ST8SIA6: variants seen among roughly 807,000 people sequenced by gnomAD.
ST8SIA6 encodes the protein alpha-2,8-sialyltransferase 8F.
A neutral mutation model predicts 33.6 loss-of-function variants in ST8SIA6; 39 were observed. The observed-to-expected ratio is 1.16, with a 90% confidence interval of 0.90 to 1.52. The LOEUF (loss-of-function observed/expected upper bound fraction) is 1.52. Among genes scored for constraint, ST8SIA6 ranks in the 40% most tolerant of loss-of-function variants. ST8SIA6 has a pLI of 0.00. For missense variants in ST8SIA6, 441 were observed against 443.8 expected, an observed-to-expected ratio of 0.99 and a Z score of 0.06; for synonymous variants, 172 against 167.2, an observed-to-expected ratio of 1.03 and a Z score of -0.22.
At chr10:17,351,917 G>A (rs1849042224) in intron 4 of ST8SIA6, among the ~76,000 whole-genome samples, 1 of 152,034 alleles carries the variant, frequency 6.6e-6, no homozygotes, top group African/African-American at 2.4e-5. Flanking sequence ...TGGTCAAAGG[G>A]TACAAAGTTT....
At chr10:17,380,781 TTGTG>T (rs1481447333) in intron 3 of ST8SIA6, among the ~76,000 whole-genome samples, 1 of 140,232 alleles carries the variant, frequency 7.1e-6, no homozygotes, top group East Asian at 2.8e-4. Context: ...GTGTTCATGT[TTGTG>T]TGTATGTGTA....
chr10:17,351,369 T>C (rs985394485), intron 4 of ST8SIA6, among the ~76,000 whole-genome samples: 5 of 150,970 alleles, frequency 3.3e-5, no homozygotes, highest in African/African-American at 1.2e-4. Flanking sequence ...ATTTGTTAAA[T>C]GGGGTTAAAA....
chr10:17,347,953 C>CAA (rs55996465), intron 4 of ST8SIA6, among the ~76,000 whole-genome samples: 8,105 of 67,886 alleles, frequency 0.12, 569 homozygotes, highest in East Asian at 0.45. Context: ...GACTCTGTCT[C>CAA]AAAAAAAAAA....
chr10:17,395,165 C>T (rs1258657818), intron 2 of ST8SIA6, among the ~76,000 whole-genome samples: 3 of 152,178 alleles, frequency 2.0e-5, no homozygotes, highest in African/African-American at 7.2e-5. Flanking sequence ...TTCTCATTCT[C>T]TCTCTTGTCT....
In ST8SIA6 at chr10:17,331,054, A is replaced by G. The variant is rs376994358; in HGVS notation, c.522+354T>C. Among the ~76,000 whole-genome samples the G allele has an allele frequency of 2.6e-5, 4 of 152,222 alleles. No homozygotes were observed. In the East Asian group the frequency reaches 5.8e-4, roughly 22 times the overall value. On this transcript the variant is annotated intron_variant, in intron 5 of 7. Transcript: ENST00000377602. ...CGCACCGTTCCTTGGGAAGGAATTG[A>G]TTTAGTCACCATAACTGACAATTGG...
At chr10:17,399,636 G>T (rs1400209043) in intron 2 of ST8SIA6, among the ~76,000 whole-genome samples, 1 of 152,250 alleles carries the variant, frequency 6.6e-6, no homozygotes, top group East Asian at 1.9e-4. Context: ...TGTAAAATCA[G>T]CCAGGTGTGG....
At chr10:17,443,058 C>G (rs1355226834) in intron 2 of ST8SIA6, among the ~76,000 whole-genome samples, 1 of 152,096 alleles carries the variant, frequency 6.6e-6, no homozygotes, top group African/African-American at 2.4e-5. Flanking sequence ...TTGGTATACC[C>G]AAAGTGAACA....
At chr10:17,442,291 T>C (rs1330235276) in intron 2 of ST8SIA6, among the ~76,000 whole-genome samples, 1 of 152,190 alleles carries the variant, frequency 6.6e-6, no homozygotes, top group East Asian at 1.9e-4. Flanking sequence ...TTGTTACAGC[T>C]TTTTCCAAGA....
At chr10:17,415,302 T>C (rs1588903749) in intron 2 of ST8SIA6, among the ~76,000 whole-genome samples, 1 of 152,144 alleles carries the variant, frequency 6.6e-6, no homozygotes, top group Non-Finnish European at 1.5e-5. Context: ...AGAAGGACTT[T>C]CCCCAAAGGT....
chr10:17,403,918 AC>A (rs1851144436), intron 2 of ST8SIA6, among the ~76,000 whole-genome samples: 1 of 151,882 alleles, frequency 6.6e-6, no homozygotes, highest in African/African-American at 2.4e-5. Flanking sequence ...AAAAAAAATT[AC>A]CCAGGTGTGG....
At chr10:17,333,717 A>ATATATTT (rs1251981910) in intron 4 of ST8SIA6, among the ~76,000 whole-genome samples, 6 of 33,760 alleles carry the variant, frequency 1.8e-4, no homozygotes, top group South Asian at 1.9e-3. Context: ...ATATATATAT[A>ATATATTT]TTTTTTTTTT....
chr10:17,435,212 T>C (rs1852214973), intron 2 of ST8SIA6, among the ~76,000 whole-genome samples: 1 of 152,220 alleles, frequency 6.6e-6, no homozygotes, highest in South Asian at 2.1e-4. Flanking sequence ...ATGTGGCTTC[T>C]AGGCCAAATT....
chr10:17,439,166 CT>C (rs1463745633), intron 2 of ST8SIA6, among the ~76,000 whole-genome samples: 1 of 152,088 alleles, frequency 6.6e-6, no homozygotes, highest in Non-Finnish European at 1.5e-5. Context: ...CCTCTTCCAG[CT>C]TTTCAGATTC....
At chr10:17,357,764 TA>T (rs1368732448) in intron 4 of ST8SIA6, among the ~76,000 whole-genome samples, 1 of 152,176 alleles carries the variant, frequency 6.6e-6, no homozygotes, top group Non-Finnish European at 1.5e-5. Context: ...CAGCCAGAAG[TA>T]AAAGCTCCTA....
At chr10:17,323,814 T>C (rs1227974431) in intron 6 of ST8SIA6, among the ~76,000 whole-genome samples, 2 of 152,198 alleles carry the variant, frequency 1.3e-5, no homozygotes, top group East Asian at 3.8e-4. Flanking sequence ...TTGTTATTTA[T>C]ATTATTTCTA....
At chr10:17,451,685 T>C (rs1283456230) in intron 2 of ST8SIA6, among the ~76,000 whole-genome samples, 1 of 152,212 alleles carries the variant, frequency 6.6e-6, no homozygotes, top group Non-Finnish European at 1.5e-5. Context: ...ATGAGGCTCA[T>C]GTGGGAAGAT....
chr10:17,370,973 T>C (rs1012015423), intron 3 of ST8SIA6, among the ~76,000 whole-genome samples: 88 of 152,160 alleles, frequency 5.8e-4, no homozygotes, highest in African/African-American at 2.0e-3. Flanking sequence ...AATTAAGAGA[T>C]GTTTGCCATA....
At chr10:17,416,576 C>T (rs1851615251) in intron 2 of ST8SIA6, among the ~76,000 whole-genome samples, 2 of 152,202 alleles carry the variant, frequency 1.3e-5, no homozygotes, top group African/African-American at 2.4e-5. Flanking sequence ...TCAAGCCAAA[C>T]ATTTATCATT....
chr10:17,380,827 GTGTT>G (rs1006745605), intron 3 of ST8SIA6, among the ~76,000 whole-genome samples: 4 of 141,526 alleles, frequency 2.8e-5, no homozygotes, highest in South Asian at 2.2e-4. Context: ...GTACGTTTGT[GTGTT>G]TGTATGTGTA....
Sources: gnomAD v4.1 joint callset for allele counts (sites outside exome capture counted in the v4.1 genomes callset) on GRCh38, gnomAD v4.1.1 for gene constraint, MANE v1.5 for transcripts, NCBI Gene and HGNC (gene_info 2026-07-23, HGNC 2026-07-21) for gene names.